The following CCDC3 variants were observed in gnomAD, a reference collection of about 807,000 sequenced individuals.
CCDC3 encodes the protein coiled-coil domain-containing protein 3.
Under a neutral mutation model 21.4 loss-of-function variants are expected in CCDC3, and 24 were observed. The observed-to-expected ratio is 1.12, with a 90% CI of 0.81 to 1.58. The LOEUF is 1.58. Ranked by LOEUF, CCDC3 falls within the 40% of genes most tolerant of loss-of-function variation. The pLI, the probability that CCDC3 is intolerant of heterozygous loss-of-function variation, is 0.00. For synonymous variants in CCDC3, 186 were observed against 166.0 expected (o/e 1.12, Z -0.93); for missense variants, 425 against 360.9 (o/e 1.18, Z -1.44).
chr10:12,960,168 A>ACACACACAC (rs1554756648), intron 2 of CCDC3, among the ~76,000 whole-genome samples: 3 of 148,748 alleles, frequency 2.0e-5, no homozygotes, highest in East Asian at 4.0e-4. Flanking sequence ...ACACACACAC[A>ACACACACAC]ACACACACAC....
At chr10:13,086,749 G>A (rs1837116351) in intron 3 of CCDC3, among the ~76,000 whole-genome samples, 2 of 152,126 alleles carry the variant, frequency 1.3e-5, no homozygotes, top group South Asian at 4.2e-4. Flanking sequence ...CCCGGCCTCT[G>A]TAAAAGGTTT....
chr10:13,032,855 G>T (rs147569234), intron 5 of CCDC3, among the ~76,000 whole-genome samples: 4,486 of 152,198 alleles, frequency 0.029, 250 homozygotes, highest in African/African-American at 0.1. Context: ...CACAAACAAA[G>T]GGAAGAACAT....
intron 5 of CCDC3, among the ~76,000 whole-genome samples, chr10:13,031,812 A>G (rs145085145): frequency 0.028 from 4,242 of 152,342 alleles, 132 homozygotes; most frequent in Admixed American, 0.11. Context: ...ATCCCTGAAT[A>G]GATCAATAAC....
In CCDC3 at chr10:12,967,354, G is replaced by A. The variant is rs71492276; in HGVS notation, c.549+30984C>T. Reference sequence around the variant, plus strand: ...ACTAACCACAAAGAAATTAAGATATGTGAACTGCCTAAGAATTCAAAATAA... The same window carrying A: ...ACTAACCACAAAGAAATTAAGATATATGAACTGCCTAAGAATTCAAAATAA... On this transcript the variant is annotated intron_variant, in intron 2 of 2. Transcript: ENST00000378825. Among the ~76,000 whole-genome samples, 1,009 of 152,276 alleles carry A rather than the reference G, an allele frequency of 6.6e-3. 4 individuals carry two copies. The highest frequency in any genetic ancestry group is 0.011 in the Non-Finnish European group (725 of 68,030).
Position 13,012,785 on chromosome 10 carries a change from A to G in CCDC3, c.-1-14273T>C, listed in dbSNP as rs112195997. ...GACTCTGTCTAAAAAAAACAAAACA[A>G]ACAAAAAAACTGTTGAGTACTATGC... is the stretch of plus-strand genomic sequence containing the variant. On this transcript the variant is annotated intron_variant, in intron 5 of 6. Coordinates refer to the CCDC3 transcript ENST00000378839. Among the ~76,000 whole-genome samples, 1,437 of 152,170 alleles carry G rather than the reference A, an allele frequency of 9.4e-3. 25 individuals carry two copies. The highest frequency in any genetic ancestry group is 0.033 in the African/African-American group (1,373 of 41,538).
At chr10:13,029,865 T>C (rs1257458634) in intron 5 of CCDC3, among the ~76,000 whole-genome samples, 3 of 152,186 alleles carry the variant, frequency 2.0e-5, no homozygotes, top group Non-Finnish European at 4.4e-5. Context: ...CTAGGTCTGA[T>C]TGGTATACCT....
intron 3 of CCDC3, among the ~76,000 whole-genome samples, chr10:13,089,574 T>C (rs1434750131): frequency 6.6e-6 from 1 of 152,156 alleles, no homozygotes; most frequent in African/African-American, 2.4e-5. Context: ...CTTTCTCTTA[T>C]CTGGATGCTC....
rs552784162 is a variant in CCDC3, at chr10:12,946,209, A to T, written c.550-47530T>A. On this transcript the variant is annotated intron_variant, in intron 2 of 2. Coordinates refer to ENST00000378825, the MANE Select transcript of CCDC3 (RefSeq NM_031455.4). ...TGATGTCATGGCTTGTGAATTCCAT[A>T]CTGAAACCAAACATGTCCACTATGA... Among the ~76,000 whole-genome samples, 4 of 152,336 alleles carry T rather than the reference A, an allele frequency of 2.6e-5. No homozygotes were observed. In the South Asian group the frequency reaches 8.3e-4, roughly 32 times the overall value.
At chr10:12,902,680 G>A (rs915956425) in intron 2 of CCDC3, among the ~76,000 whole-genome samples, 26 of 152,152 alleles carry the variant, frequency 1.7e-4, no homozygotes, top group African/African-American at 5.8e-4. Context: ...TTTAAAAATC[G>A]TGAAAAATAG....
chr10:12,914,032 G>A (rs1413150305), intron 2 of CCDC3, among the ~76,000 whole-genome samples: 1 of 151,992 alleles, frequency 6.6e-6, no homozygotes, highest in African/African-American at 2.4e-5. Flanking sequence ...AGAGATTTTT[G>A]GCTTGTAACA....
intron 2 of CCDC3, among the ~76,000 whole-genome samples, chr10:12,961,130 G>T (rs1395909708): frequency 6.6e-6 from 1 of 152,202 alleles, no homozygotes; most frequent in Non-Finnish European, 1.5e-5. Context: ...TGCTGCGTGA[G>T]CACCGGCTGG....
At chr10:12,954,570 C>G (rs1423608766) in intron 2 of CCDC3, among the ~76,000 whole-genome samples, 1 of 152,152 alleles carries the variant, frequency 6.6e-6, no homozygotes, top group African/African-American at 2.4e-5. Context: ...TGAAGGGAAG[C>G]TGGCATCACA....
chr10:12,905,147 T>C (rs1250435750), intron 2 of CCDC3, among the ~76,000 whole-genome samples: 1 of 152,178 alleles, frequency 6.6e-6, no homozygotes, highest in Non-Finnish European at 1.5e-5. Context: ...ACTTTGTTCC[T>C]GTTCTCGGGA....
At position 12,978,574 on chromosome 10, in the gene CCDC3, T is replaced by G. The variant is rs143059220; in HGVS notation, c.549+19764A>C. 5.6e-4 allele frequency among the ~76,000 whole-genome samples: 78 copies of G among 139,648 alleles called. No individual in the cohort carries two copies. In the South Asian group the frequency reaches 7.6e-3, roughly 14 times the overall value. The allele number at this position is 139,648 out of a possible 152,430, so 91.6% of individuals were successfully genotyped here. A position where few individuals can be genotyped will look rare whatever the true frequency, so the allele number is the denominator to read the frequency against. ...CCAGAGAGAGAGAGAGAGAGAGAGA[T>G]AAGGCCAGAGAAAGCAGAAAGGCAG... On this transcript the variant is annotated intron_variant, in intron 2 of 2. Coordinates refer to ENST00000378825, the MANE Select transcript of CCDC3 (RefSeq NM_031455.4).
At chr10:13,043,137 A>G (rs662676) in intron 5 of CCDC3, among the ~76,000 whole-genome samples, 150,699 of 152,186 alleles carry the variant, frequency 0.99, 74,627 homozygotes, top group Middle Eastern at 1. Context: ...TTTGTGTGAC[A>G]CTGAGGTTTG....
chr10:12,997,483 C>T (rs181333761), intron 2 of CCDC3, among the ~76,000 whole-genome samples: 8 of 152,282 alleles, frequency 5.3e-5, no homozygotes, highest in East Asian at 1.9e-4. Flanking sequence ...TGGCCCAGAT[C>T]GGAAGACTCT....
At chr10:13,040,317 A>C (rs897011471) in intron 5 of CCDC3, among the ~76,000 whole-genome samples, 1 of 152,162 alleles carries the variant, frequency 6.6e-6, no homozygotes, top group Non-Finnish European at 1.5e-5. Flanking sequence ...CTATGTTAAC[A>C]CGTTTGCCAG....
In CCDC3 at chr10:12,993,747, C is replaced by T. The variant is rs543239225; in HGVS notation, c.549+4591G>A. On this transcript the variant is annotated intron_variant, in intron 2 of 2. Transcript: ENST00000378825. ...GACACCGAACCAGAGAGGCGGTGAA[C>T]ACGTACTAACACTGCTGACATCTTG... 1.2e-4 allele frequency among the ~76,000 whole-genome samples: 18 copies of T among 152,262 alleles called. No homozygotes were observed. In the East Asian group the frequency reaches 3.3e-3, roughly 28 times the overall value.
At position 12,960,686 on chromosome 10, in the gene CCDC3, G is replaced by A. The variant is rs527599188; in HGVS notation, c.549+37652C>T. Among the ~76,000 whole-genome samples, 23 of 152,272 alleles carry A rather than the reference G, an allele frequency of 1.5e-4. No homozygotes were observed. In the East Asian group the frequency reaches 2.9e-3, roughly 19 times the overall value. ...GGGAGAGGCGAGAAATGTGGAAGAT[G>A]GCCAGAGAGCTCAAGGCTGCGGGAC... On this transcript the variant is annotated intron_variant, in intron 2 of 2. Transcript: ENST00000378825.
Sources: allele counts gnomAD v4.1 joint callset (sites outside exome capture counted in the v4.1 genomes callset), GRCh38; gene constraint gnomAD v4.1.1; transcripts MANE v1.5; gene names NCBI Gene and HGNC (gene_info 2026-07-23, HGNC 2026-07-21).